The following LATS2 variants were observed in gnomAD, a reference collection of about 807,000 sequenced individuals.
LATS2 encodes the protein serine/threonine-protein kinase LATS2.
LATS2 carries 24 observed loss-of-function variants against 76.0 expected under a neutral mutation model. That is an observed-to-expected ratio of 0.32 (90% confidence interval 0.23 to 0.44). LATS2 has a LOEUF of 0.44. Among genes scored for constraint, LATS2 ranks in the 20% least tolerant of loss-of-function variants. The pLI is 1.00. For missense variants in LATS2, 1,286 were observed against 1,481.2 expected (o/e 0.87, Z 2.16); for synonymous variants, 692 against 635.4 (o/e 1.09, Z -1.34).
chr13:21,058,994 C>T (rs1031902769), intron 1 of LATS2, among the ~76,000 whole-genome samples: 2 of 150,898 alleles, frequency 1.3e-5, no homozygotes, highest in Admixed American at 6.6e-5. Flanking sequence ...CAAGATTTAG[C>T]ACAAATTTCC....
Position 20,983,607 on chromosome 13 carries a change from C to T in LATS2, c.2099G>A (p.Arg700Lys). The T allele has an allele frequency of 6.2e-7, 1 of 1,614,148 alleles. No homozygotes were observed. Among genetic ancestry groups the T allele is most frequent in the Admixed American group, 1.7e-5 (1 of 60,022 alleles). ...THALYAMKTL[R>K]KKDVLNRNQV... Reference sequence around the variant, plus strand: ...ATTCCGGTTCAGGACATCCTTTTTCCTTAGGGTCTTCATGGCGTACAGGGC... The same window carrying T: ...ATTCCGGTTCAGGACATCCTTTTTCTTTAGGGTCTTCATGGCGTACAGGGC... Residue 700 changes from arginine (R) to lysine (K), a missense_variant, in exon 5 of 8, where the codon AGG (arginine) becomes AAG (lysine). By Grantham distance (26) the Arg-to-Lys change is conservative. Transcript: ENST00000382592.
rs1238276855 is a variant in LATS2 at position 20,974,637 on chromosome 13, A to C, written c.*233T>G. 4 of 497,010 alleles carry C rather than the reference A, an allele frequency of 8.0e-6. No individual in the cohort carries two copies. In the Admixed American group the frequency reaches 1.5e-4, roughly 19 times the overall value. The allele number at this position is 497,010 out of a possible 1,614,324, so 30.8% of individuals were successfully genotyped here. On this transcript the variant is annotated 3_prime_UTR_variant, in exon 8 of 8. Coordinates refer to ENST00000382592, the MANE Select transcript of LATS2 (RefSeq NM_014572.3). The stretch of plus-strand genomic sequence containing the variant: ...TCTAAACTGTACTAAATTTTCAAAA[A>C]TATTGTTTTAATGCAGTGAAGGTCC...
chr13:20,999,863 CAAAAA>C (rs34389397), intron 2 of LATS2, among the ~76,000 whole-genome samples: 6 of 136,178 alleles, frequency 4.4e-5, no homozygotes, highest in South Asian at 2.4e-4. Context: ...ACTAAACATA[CAAAAA>C]AAAAAAAAAA....
intron 2 of LATS2, among the ~76,000 whole-genome samples, chr13:21,016,565 C>T (rs976822534): frequency 1.3e-5 from 2 of 152,190 alleles, no homozygotes. Context: ...CAGGTATGAA[C>T]CACCATGCTC....
intron 2 of LATS2, among the ~76,000 whole-genome samples, chr13:20,995,705 G>A (rs1472640531): frequency 6.6e-6 from 1 of 152,134 alleles, no homozygotes; most frequent in East Asian, 1.9e-4. Context: ...CAAGGCACAG[G>A]CTAAAGGGAA....
intron 2 of LATS2, among the ~76,000 whole-genome samples, chr13:21,021,739 C>A (rs9552328): frequency 0.083 from 12,659 of 152,180 alleles, 1,100 homozygotes; most frequent in East Asian, 0.44. Flanking sequence ...CAGAGAACAG[C>A]GAGGCTAAGA....
At chr13:21,018,086 C>T (rs181055962) in intron 2 of LATS2, 7 of 152,278 alleles carry the variant, frequency 4.6e-5, no homozygotes, top group Admixed American at 4.6e-4. Flanking sequence ...TTCAGTAACA[C>T]GTAGGATCAC....
chr13:21,044,994 T>C (rs1207286272), intron 2 of LATS2, among the ~76,000 whole-genome samples: 1 of 152,152 alleles, frequency 6.6e-6, no homozygotes, highest in East Asian at 1.9e-4. Flanking sequence ...CCCAAAGTGC[T>C]GGGATTACAG....
intron 2 of LATS2, among the ~76,000 whole-genome samples, chr13:21,021,082 G>A (rs1196888716): frequency 6.6e-6 from 1 of 152,188 alleles, no homozygotes. Flanking sequence ...AAACAAGACA[G>A]GCCGTGTGTG....
intron 2 of LATS2, among the ~76,000 whole-genome samples, chr13:21,003,744 A>G (rs903378996): frequency 6.6e-6 from 1 of 150,876 alleles, no homozygotes; most frequent in African/African-American, 2.4e-5. Context: ...ACCAGGCCTA[A>G]TTTTTGTCTT....
chr13:21,059,063 G>C (rs989172776), intron 1 of LATS2, among the ~76,000 whole-genome samples: 1 of 152,118 alleles, frequency 6.6e-6, no homozygotes, highest in Admixed American at 6.6e-5. Context: ...CATCTTCTAA[G>C]TTAAAATTTT....
At chr13:21,012,729 A>G (rs1871643520) in intron 2 of LATS2, among the ~76,000 whole-genome samples, 1 of 152,122 alleles carries the variant, frequency 6.6e-6, no homozygotes, top group Non-Finnish European at 1.5e-5. Flanking sequence ...TGGAATGAAC[A>G]GCGCTAGCAC....
intron 2 of LATS2, among the ~76,000 whole-genome samples, chr13:20,999,088 C>T (rs967070424): frequency 6.6e-6 from 1 of 152,270 alleles, no homozygotes; most frequent in East Asian, 1.9e-4. Flanking sequence ...TGACCTTGGG[C>T]AGGCGCAGCA....
intron 2 of LATS2, among the ~76,000 whole-genome samples, chr13:21,012,727 A>G (rs1871643172): frequency 6.6e-6 from 1 of 152,134 alleles, no homozygotes; most frequent in Admixed American, 6.5e-5. Context: ...GATGGAATGA[A>G]CAGCGCTAGC....
At chr13:21,056,430 T>C (rs555613521) in intron 1 of LATS2, among the ~76,000 whole-genome samples, 2 of 152,340 alleles carry the variant, frequency 1.3e-5, no homozygotes, top group African/African-American at 4.8e-5. Context: ...ATTTTTATGA[T>C]ATACATTATG....
chr13:21,003,473 C>T (rs1238577865), intron 2 of LATS2, among the ~76,000 whole-genome samples: 5 of 149,914 alleles, frequency 3.3e-5, no homozygotes, highest in Non-Finnish European at 7.4e-5. Flanking sequence ...CAGAGTCTTG[C>T]TCTGTTGCCC....
In LATS2 at chr13:21,046,056, A is replaced by G. The variant is rs551513634; in HGVS notation, c.-30T>C. 3 of 1,462,114 alleles carry G rather than the reference A, an allele frequency of 2.1e-6. No individual in the cohort carries two copies. Among genetic ancestry groups the G allele is most frequent in the African/African-American group, 2.8e-5 (2 of 70,768 alleles). The allele number at this position is 1,462,114 out of a possible 1,614,324, so 90.6% of individuals were successfully genotyped here. ...AGTCCAGTTTCCTTTTACCATAAAT[A>G]CAATCTTCTTAAAGTGTTTTATTAT... On this transcript the variant is annotated 5_prime_UTR_variant, in exon 2 of 8. Coordinates refer to ENST00000382592, the MANE Select transcript of LATS2 (RefSeq NM_014572.3).
Position 20,988,216 on chromosome 13 carries a change from G to A in LATS2, c.1564C>T (p.Leu522=), listed in dbSNP as rs753133972. The stretch of plus-strand genomic sequence containing the variant: ...TGCTCCGACTTGCTGCGCAGCAGCA[G>A]GTGCTTCGGGTAGGGCGGAGGCGGG... ...RCPPPPYPKH[L]LLRSKSEQYD... The change falls in exon 4 of 8, where the codon CTG becomes TTG. Residue 522 remains leucine (L), a synonymous_variant. Transcript: ENST00000382592. The A allele has an allele frequency of 6.2e-6, 10 of 1,609,714 alleles. No homozygotes were observed. The highest frequency in any genetic ancestry group is 1.7e-5 in the Admixed American group (1 of 59,822).
intron 2 of LATS2, among the ~76,000 whole-genome samples, chr13:21,020,772 G>A (rs1218013839): frequency 6.6e-6 from 1 of 152,114 alleles, no homozygotes; most frequent in African/African-American, 2.4e-5. Flanking sequence ...ACCCTACATG[G>A]AACAGGCAAC....
Sources: allele counts gnomAD v4.1 joint callset (sites outside exome capture counted in the v4.1 genomes callset), GRCh38; gene constraint gnomAD v4.1.1; transcripts MANE v1.5; gene names NCBI Gene and HGNC (gene_info 2026-07-23, HGNC 2026-07-21).